TRPM1: variants seen among roughly 807,000 people sequenced by gnomAD.
The protein encoded by TRPM1 is TRPM1-203 APA Isoform, Intron 10.
TRPM1 carries 113 observed loss-of-function variants against 149.4 expected under a neutral mutation model. The ratio of observed to expected loss-of-function variants is 0.76; its 90% confidence interval spans 0.65 to 0.88. The LOEUF (loss-of-function observed/expected upper bound fraction) is 0.88, where lower values mean the gene tolerates loss of function less well. Among genes scored for constraint, TRPM1 ranks in the 40% least tolerant of loss-of-function variants. The probability of loss-of-function intolerance (pLI) is 0.00; values close to 1 mark genes in which losing one functional copy is unlikely to be tolerated. For missense variants in TRPM1, 1,976 were observed against 2,038.7 expected, an observed-to-expected ratio of 0.97 and a Z score of 0.59; for synonymous variants, 741 against 759.5, an observed-to-expected ratio of 0.98 and a Z score of 0.40.
chr15:31,129,654 G>C (rs2035993559), intron 1 of TRPM1, among the ~76,000 whole-genome samples: 1 of 152,224 alleles, frequency 6.6e-6, no homozygotes, highest in South Asian at 2.1e-4. Context: ...AGGAGTAAAG[G>C]CTGTGTGTAT....
chr15:31,053,494 C>G (rs1472897102), intron 11 of TRPM1, among the ~76,000 whole-genome samples: 2 of 151,784 alleles, frequency 1.3e-5, no homozygotes, highest in East Asian at 3.9e-4. Flanking sequence ...AATTCCTGAC[C>G]TCAGGTGATC....
chr15:31,155,046 G>A (rs1032251153), intron 1 of TRPM1, among the ~76,000 whole-genome samples: 1 of 152,150 alleles, frequency 6.6e-6, no homozygotes, highest in South Asian at 2.1e-4. Context: ...CCATGAATTG[G>A]CTCTGTTTAA....
chr15:31,081,499 A>G lies in TRPM1; in HGVS notation c.-83-61T>C, dbSNP rs188176464. On this transcript the variant is annotated intron_variant, in intron 1 of 27. Coordinates refer to ENST00000256552, the MANE Select transcript of TRPM1 (RefSeq NM_001252024.2). Reference sequence around the variant, plus strand: ...GCCTGCAGCCTCTTTCTTGGGAAGCAAGATGAACAAATCCTGCCCTCCCTT... The same window carrying G: ...GCCTGCAGCCTCTTTCTTGGGAAGCGAGATGAACAAATCCTGCCCTCCCTT... 110 of 1,094,014 alleles carry G rather than the reference A, an allele frequency of 1.0e-4. No individual in the cohort carries two copies. In the African/African-American group the frequency reaches 1.1e-3, roughly 11 times the overall value. The allele number at this position is 1,094,014 out of a possible 1,614,324, so 67.8% of individuals were successfully genotyped here.
intron 10 of TRPM1, 44 bp from the exon 11 acceptor site, chr15:31,060,688 G>A (rs567273591): frequency 3.7e-5 from 57 of 1,540,094 alleles, no homozygotes; most frequent in Non-Finnish European, 5.0e-5. Flanking sequence ...TCCACGCCTG[G>A]ACCGCCAGGG....
chr15:31,040,411 A>G lies in TRPM1; in HGVS notation c.2088-65T>C. 1.4e-6 allele frequency: 2 copies of G among 1,384,288 alleles called. No individual in the cohort carries two copies. Among genetic ancestry groups the G allele is most frequent in the East Asian group, 4.6e-5 (2 of 43,766 alleles). 85.8% of individuals were successfully genotyped at this position (1,384,288 alleles called of 1,614,324 possible). ...GCCGCAAGCTGTTTCTTAGACAGGC[A>G]TATCCACCAAGGACTTATGGAGCCA... On this transcript the variant is annotated intron_variant, in intron 17 of 27. Transcript: ENST00000256552. This position sits in a 1 kb window ranked among gnomAD's most constrained non-coding sequence, Gnocchi z 4.2.
intron 1 of TRPM1, among the ~76,000 whole-genome samples, chr15:31,095,035 C>CAT (rs2035339252): frequency 2.0e-5 from 3 of 152,162 alleles, no homozygotes; most frequent in Admixed American, 2.0e-4. Context: ...ATTATTTAGC[C>CAT]ACATAAATGA....
chr15:31,028,574 A>G (rs1361255753), intron 24 of TRPM1, 98 bp from the exon 25 acceptor site: 3 of 1,380,612 alleles, frequency 2.2e-6, no homozygotes, highest in Non-Finnish European at 3.0e-6. Flanking sequence ...CTTTTTTAAT[A>G]TGATTCTTTC....
Position 31,076,989 on chromosome 15 carries a change from AAG to A in TRPM1, c.4-7_4-6del. Reference sequence around the variant, plus strand: ...CTCTATCCAAGATTTCTGACCCTGGAAGAGAGAGAGAAGTGGATATTGGACCA... The same window carrying A: ...CTCTATCCAAGATTTCTGACCCTGGAAGAGAGAGAAGTGGATATTGGACCA... On this transcript the variant is annotated splice_polypyrimidine_tract_variant and splice_region_variant and intron_variant, in intron 2 of 27. Transcript: ENST00000256552. The A allele has an allele frequency of 1.1e-5, 18 of 1,598,954 alleles. No homozygotes were observed. The highest frequency in any genetic ancestry group is 1.7e-4 in the Middle Eastern group (1 of 6,048).
intron 27 of TRPM1, among the ~76,000 whole-genome samples, chr15:31,018,759 C>T (rs932624984): frequency 6.6e-5 from 10 of 152,216 alleles, no homozygotes; most frequent in African/African-American, 2.2e-4. Flanking sequence ...TCCGCCTCTC[C>T]GGTTCAAGTG....
intron 1 of TRPM1, among the ~76,000 whole-genome samples, chr15:31,110,810 C>G (rs1401311515): frequency 1.3e-5 from 2 of 151,950 alleles, no homozygotes; most frequent in African/African-American, 4.8e-5. Context: ...TTCTAAGAAC[C>G]TTCTTTTCAT....
chr15:31,076,625 C>T (rs915198839), intron 3 of TRPM1, among the ~76,000 whole-genome samples: 1 of 152,124 alleles, frequency 6.6e-6, no homozygotes, highest in Non-Finnish European at 1.5e-5. Context: ...TGTTGAAAGC[C>T]CTCAACTCCT....
chr15:31,105,895 C>A (rs1270075580), upstream of TRPM1, among the ~76,000 whole-genome samples: 1 of 152,194 alleles, frequency 6.6e-6, no homozygotes, highest in Non-Finnish European at 1.5e-5. Context: ...GCTGTCTGAG[C>A]AAATAACAAT....
intron 7 of TRPM1, among the ~76,000 whole-genome samples, chr15:31,065,658 A>G (rs1352597963): frequency 2.6e-5 from 4 of 152,194 alleles, no homozygotes; most frequent in Admixed American, 6.5e-5. Flanking sequence ...CTTAGTCTAC[A>G]TGAAAGGCCC....
intron 1 of TRPM1, 101 bp downstream of exon 1, chr15:31,101,556 G>T (rs142892875): frequency 2.9e-6 from 2 of 692,012 alleles, no homozygotes; most frequent in Non-Finnish European, 3.6e-6. Flanking sequence ...CTGCATCTGT[G>T]GTTATCTGCA....
intron 1 of TRPM1, among the ~76,000 whole-genome samples, chr15:31,100,608 A>G (rs2035493716): frequency 6.6e-6 from 1 of 152,218 alleles, no homozygotes. Context: ...GAAATGTACA[A>G]AAGAATAAAT....
chr15:31,095,906 C>T (rs908694336), intron 1 of TRPM1, among the ~76,000 whole-genome samples: 1 of 151,594 alleles, frequency 6.6e-6, no homozygotes, highest in Non-Finnish European at 1.5e-5. Context: ...ATTAGCCAGG[C>T]GTGGTGGCAG....
At chr15:31,156,930 A>AT (rs11398253) in intron 1 of TRPM1, among the ~76,000 whole-genome samples, 106,435 of 147,550 alleles carry the variant, frequency 0.72, 39,683 homozygotes, top group East Asian at 0.94. Context: ...ACTTACATTT[A>AT]TTTTTTTTTT....
At chr15:31,088,806 G>GGT (rs1555427574) in intron 1 of TRPM1, among the ~76,000 whole-genome samples, 4 of 151,904 alleles carry the variant, frequency 2.6e-5, no homozygotes, top group Admixed American at 6.6e-5. Context: ...TTCTGCTGGG[G>GGT]GGATGCGTCA....
At chr15:31,020,968 T>C (rs2032532734) in intron 27 of TRPM1, among the ~76,000 whole-genome samples, 1 of 152,152 alleles carries the variant, frequency 6.6e-6, no homozygotes, top group Non-Finnish European at 1.5e-5. Flanking sequence ...ACAACTTTTA[T>C]TACTAATAAA....
Sources: gnomAD v4.1 joint callset for allele counts (sites outside exome capture counted in the v4.1 genomes callset) on GRCh38, gnomAD v4.1.1 for gene constraint, Gnocchi (gnomAD v3.1) non-coding constraint, MANE v1.5 for transcripts, NCBI Gene and HGNC (gene_info 2026-07-23, HGNC 2026-07-21) for gene names.